Variants in CDC42BPA observed in about 807,000 individuals in gnomAD.
CDC42BPA encodes serine/threonine-protein kinase MRCK alpha.
A neutral mutation model predicts 223.5 loss-of-function variants in CDC42BPA; 80 were observed. The observed-to-expected ratio is 0.36, with a 90% CI of 0.30 to 0.43. The LOEUF is 0.43. CDC42BPA is among the 20% of genes least tolerant of loss of function. The pLI is 1.00. For missense variants in CDC42BPA, 1,743 were observed against 2,099.9 expected (o/e 0.83, Z 3.32); for synonymous variants, 694 against 718.6 (o/e 0.97, Z 0.55).
At chr1:227,185,751 G>A (rs1048610412) in intron 5 of CDC42BPA, among the ~76,000 whole-genome samples, 14 of 27,784 alleles carry the variant, frequency 5.0e-4, no homozygotes, top group Non-Finnish European at 1.2e-3. Flanking sequence ...GTGTGTCCAT[G>A]TCGTTTTTTT....
chr1:227,278,085 A>G (rs1455585884), intron 1 of CDC42BPA, among the ~76,000 whole-genome samples: 1 of 152,076 alleles, frequency 6.6e-6, no homozygotes, highest in Non-Finnish European at 1.5e-5. Context: ...CTAAGCCAAT[A>G]TTGCCAGAGA....
At chr1:227,179,635 C>CAAAAAAAAAAAAAAAAAAAAAAAAA (rs59744442) in intron 5 of CDC42BPA, among the ~76,000 whole-genome samples, 2 of 34,242 alleles carry the variant, frequency 5.8e-5, no homozygotes, top group African/African-American at 1.1e-4. Flanking sequence ...GCCTCCATCT[C>CAAAAAAAAAAAAAAAAAAAAAAAAA]AAAAAAAAAA....
At chr1:227,168,499 T>TTTTTTTTTTTGTTTTTTTTG (rs1258094504) in intron 5 of CDC42BPA, among the ~76,000 whole-genome samples, 5 of 47,938 alleles carry the variant, frequency 1.0e-4, no homozygotes, top group Non-Finnish European at 1.8e-4. Flanking sequence ...TCCCTGGTGT[T>TTTTTTTTTTTGTTTTTTTTG]TTTTTTTTTT....
chr1:227,268,453 G>A (rs1031327417), intron 1 of CDC42BPA, among the ~76,000 whole-genome samples: 42 of 151,552 alleles, frequency 2.8e-4, no homozygotes, highest in Non-Finnish European at 5.6e-4. Flanking sequence ...CCACCAGGGT[G>A]TATATAAATA....
intron 2 of CDC42BPA, among the ~76,000 whole-genome samples, chr1:227,216,430 C>A (rs952388717): frequency 1.3e-5 from 2 of 152,132 alleles, no homozygotes; most frequent in African/African-American, 4.8e-5. Context: ...TCAAACCTAT[C>A]TTATAACAGT....
chr1:227,185,056 T>C (rs917305874), intron 5 of CDC42BPA, among the ~76,000 whole-genome samples: 48 of 152,192 alleles, frequency 3.2e-4, no homozygotes, highest in African/African-American at 1.2e-3. Flanking sequence ...CATACCGTTC[T>C]TAGGTTTCTC....
chr1:227,178,040 C>G (rs1667268126), intron 5 of CDC42BPA, among the ~76,000 whole-genome samples: 1 of 151,874 alleles, frequency 6.6e-6, no homozygotes. Flanking sequence ...TGTCTTTCAC[C>G]TGGAAGAAAA....
chr1:227,068,747 G>T, intron 21 of CDC42BPA: 3 of 701,172 alleles, frequency 4.3e-6, no homozygotes, highest in Non-Finnish European at 6.0e-6. Flanking sequence ...TATGGATGAA[G>T]CAATTTAATA....
intron 5 of CDC42BPA, among the ~76,000 whole-genome samples, chr1:227,169,140 G>A (rs1665667862): frequency 6.6e-6 from 1 of 151,976 alleles, no homozygotes; most frequent in Non-Finnish European, 1.5e-5. Flanking sequence ...CTAGTTCTGT[G>A]CTGAGATTTC....
intron 22 of CDC42BPA, among the ~76,000 whole-genome samples, chr1:227,050,681 A>T (rs1391688432): frequency 1.3e-5 from 2 of 152,180 alleles, no homozygotes; most frequent in East Asian, 3.8e-4. Context: ...AAATTACAGA[A>T]GGATACAGGT....
chr1:227,313,823 G>C (rs1217000619), intron 1 of CDC42BPA, among the ~76,000 whole-genome samples: 1 of 151,008 alleles, frequency 6.6e-6, no homozygotes, highest in Non-Finnish European at 1.5e-5. Context: ...AGTACCTGCT[G>C]ATATGCTCTA....
chr1:227,295,830 G>C (rs1690555335), intron 1 of CDC42BPA, among the ~76,000 whole-genome samples: 1 of 152,114 alleles, frequency 6.6e-6, no homozygotes, highest in Non-Finnish European at 1.5e-5. Flanking sequence ...AATAAAGTGG[G>C]GAAAGCCTTC....
intron 35 of CDC42BPA, among the ~76,000 whole-genome samples, chr1:226,995,691 C>G (rs546842830): frequency 1.3e-5 from 2 of 152,274 alleles, no homozygotes; most frequent in Admixed American, 1.3e-4. Flanking sequence ...AACAGTGGAC[C>G]AGCAGCATTC....
intron 2 of CDC42BPA, chr1:227,234,221 C>T (rs752838749): frequency 1.3e-5 from 2 of 152,024 alleles, no homozygotes; most frequent in Non-Finnish European, 2.9e-5. Context: ...GACTAATACC[C>T]CAATTTCACA....
At chr1:227,059,302 A>C in intron 21 of CDC42BPA, 1 of 1,296,334 alleles carries the variant, frequency 7.7e-7, no homozygotes, top group Non-Finnish European at 1.1e-6. Context: ...AGGTTCCGCA[A>C]TCACAGGCAA....
At chr1:227,042,952 G>C (rs1210227125) in intron 23 of CDC42BPA, among the ~76,000 whole-genome samples, 1 of 152,090 alleles carries the variant, frequency 6.6e-6, no homozygotes, top group Non-Finnish European at 1.5e-5. Flanking sequence ...AAAGTAAAAT[G>C]TTTTTAATAG....
At chr1:227,041,212 T>C (rs60483746) in intron 23 of CDC42BPA, among the ~76,000 whole-genome samples, 9,711 of 152,228 alleles carry the variant, frequency 0.064, 1,016 homozygotes, top group African/African-American at 0.22. Flanking sequence ...GAGTATATTA[T>C]ATGATGCTGA....
intron 3 of CDC42BPA, among the ~76,000 whole-genome samples, chr1:227,202,313 G>A (rs925522308): frequency 6.6e-5 from 10 of 152,044 alleles, no homozygotes; most frequent in African/African-American, 2.4e-4. Context: ...AAAACAGAAA[G>A]CACTTTACAT....
At chr1:227,168,996 C>T (rs971688742) in intron 5 of CDC42BPA, among the ~76,000 whole-genome samples, 3 of 152,016 alleles carry the variant, frequency 2.0e-5, no homozygotes, top group African/African-American at 7.2e-5. Flanking sequence ...TCTCTGTTAC[C>T]TTCAATAACT....
Sources: gnomAD v4.1 joint callset for allele counts (sites outside exome capture counted in the v4.1 genomes callset) on GRCh38, gnomAD v4.1.1 for gene constraint, MANE v1.5 for transcripts, NCBI Gene and HGNC (gene_info 2026-07-23, HGNC 2026-07-21) for gene names.